The following CSMD1 variants were observed in gnomAD, a reference collection of about 807,000 sequenced individuals.
CSMD1 encodes CUB and Sushi multiple domains 1.
A neutral mutation model predicts 417.5 loss-of-function variants in CSMD1; 213 were observed. The ratio of observed to expected loss-of-function variants is 0.51; its 90% CI spans 0.46 to 0.57. CSMD1 has a LOEUF of 0.57. Among genes scored for constraint, CSMD1 ranks in the 20% least tolerant of loss-of-function variants. CSMD1 has a pLI of 0.00. For missense variants in CSMD1, 6,923 were observed against 4,529.7 expected, an observed-to-expected ratio of 1.53 and a Z score of -15.17; for synonymous variants, 2,862 against 1,736.8, an observed-to-expected ratio of 1.65 and a Z score of -16.11.
chr8:3,749,171 CTTAT>C (rs1274887133), intron 6 of CSMD1, among the ~76,000 whole-genome samples: 15 of 152,006 alleles, frequency 9.9e-5, no homozygotes. Flanking sequence ...TTACAAGGCA[CTTAT>C]TTAATTATAA....
intron 8 of CSMD1, among the ~76,000 whole-genome samples, chr8:3,607,823 T>C (rs561634399): frequency 1.1e-4 from 16 of 152,226 alleles, no homozygotes; most frequent in African/African-American, 3.8e-4. Flanking sequence ...TCAGCATGGC[T>C]GGTGTTGGTG....
chr8:3,340,075 C>G (rs1183634738), intron 23 of CSMD1, among the ~76,000 whole-genome samples: 1 of 152,184 alleles, frequency 6.6e-6, no homozygotes, highest in Non-Finnish European at 1.5e-5. Context: ...CTGCATGTAT[C>G]AATATCGGTC....
chr8:4,653,684 C>G (rs989521288), intron 1 of CSMD1, among the ~76,000 whole-genome samples: 1 of 151,932 alleles, frequency 6.6e-6, no homozygotes, highest in Non-Finnish European at 1.5e-5. Context: ...TTGCCCCAGG[C>G]TGAAAATAAG....
At chr8:3,191,907 A>G (rs1247905351) in intron 33 of CSMD1, among the ~76,000 whole-genome samples, 2 of 152,202 alleles carry the variant, frequency 1.3e-5, no homozygotes, top group Admixed American at 6.5e-5. Context: ...CTAAATGCAC[A>G]GTCCTTTAGC....
chr8:4,345,968 C>G (rs1028844355), intron 3 of CSMD1, among the ~76,000 whole-genome samples: 2 of 152,116 alleles, frequency 1.3e-5, no homozygotes, highest in East Asian at 1.9e-4. Context: ...TTCATACTGA[C>G]TAGATATCAT....
At chr8:3,942,675 G>A (rs562010988) in intron 5 of CSMD1, among the ~76,000 whole-genome samples, 3 of 152,054 alleles carry the variant, frequency 2.0e-5, no homozygotes, top group Admixed American at 6.6e-5. Context: ...TGATTTATAG[G>A]TCCTTTTCCC....
At chr8:3,474,870 C>T (rs1056692743) in intron 11 of CSMD1, among the ~76,000 whole-genome samples, 1 of 152,030 alleles carries the variant, frequency 6.6e-6, no homozygotes, top group Admixed American at 6.6e-5. Context: ...ATAATGTTAT[C>T]CTAATGAAAC....
intron 2 of CSMD1, among the ~76,000 whole-genome samples, chr8:4,424,491 C>T (rs111375359): frequency 5.9e-5 from 9 of 151,836 alleles, no homozygotes; most frequent in African/African-American, 9.7e-5. Flanking sequence ...CAGAGAAATA[C>T]CGCACATGAT....
intron 26 of CSMD1, among the ~76,000 whole-genome samples, chr8:3,269,373 C>T (rs569925853): frequency 1.6e-4 from 25 of 152,232 alleles, no homozygotes; most frequent in Non-Finnish European, 3.4e-4. Context: ...GGCAGAGAAA[C>T]TTGGACCATC....
chr8:4,894,716 G>GTGTT (rs1804364662), intron 1 of CSMD1, among the ~76,000 whole-genome samples: 1 of 151,800 alleles, frequency 6.6e-6, no homozygotes, highest in African/African-American at 2.4e-5. Flanking sequence ...GTGTGTGTGT[G>GTGTT]TGTGTGTCTG....
At chr8:3,027,113 AT>A (rs1306555784) in intron 51 of CSMD1, among the ~76,000 whole-genome samples, 7 of 152,158 alleles carry the variant, frequency 4.6e-5, no homozygotes, top group South Asian at 2.1e-4. Context: ...AATTTAAAAA[AT>A]TTTTTTAAAT....
At chr8:3,324,629 AAATAG>A (rs755619032) in intron 23 of CSMD1, among the ~76,000 whole-genome samples, 3 of 151,606 alleles carry the variant, frequency 2.0e-5, no homozygotes, top group Non-Finnish European at 4.4e-5. Flanking sequence ...ATCATTGTTA[AAATAG>A]GCCCACACCC....
chr8:4,182,607 T>C (rs3849836), intron 3 of CSMD1, among the ~76,000 whole-genome samples: 10,010 of 152,228 alleles, frequency 0.066, 443 homozygotes, highest in East Asian at 0.12. Flanking sequence ...GAGGGAATTT[T>C]ATGGACAACA....
intron 3 of CSMD1, among the ~76,000 whole-genome samples, chr8:4,311,582 G>T (rs562709736): frequency 6.6e-6 from 1 of 151,986 alleles, no homozygotes; most frequent in Non-Finnish European, 1.5e-5. Context: ...ACTGAGCCAG[G>T]TGTGGTTGTG....
intron 2 of CSMD1, among the ~76,000 whole-genome samples, chr8:4,634,152 T>G (rs1181360258): frequency 6.6e-6 from 1 of 152,070 alleles, no homozygotes; most frequent in Non-Finnish European, 1.5e-5. Flanking sequence ...TTTAGTTTAT[T>G]GATGGGTGCC....
chr8:3,864,447 G>T (rs191242490), intron 5 of CSMD1, among the ~76,000 whole-genome samples: 4 of 152,292 alleles, frequency 2.6e-5, no homozygotes, highest in Admixed American at 2.6e-4. Flanking sequence ...TATGAGAAGG[G>T]GTTAAGGAAA....
intron 3 of CSMD1, among the ~76,000 whole-genome samples, chr8:4,250,963 T>C (rs1803028748): frequency 6.6e-6 from 1 of 152,198 alleles, no homozygotes; most frequent in African/African-American, 2.4e-5. Flanking sequence ...CCCTGAATGT[T>C]ACTAGGTGAA....
intron 1 of CSMD1, among the ~76,000 whole-genome samples, chr8:4,830,558 C>T (rs1233882290): frequency 1.3e-5 from 2 of 152,170 alleles, no homozygotes; most frequent in African/African-American, 2.4e-5. Flanking sequence ...CAAGAGGAGA[C>T]ATCATAAGCC....
chr8:4,296,392 T>C (rs1349164205), intron 3 of CSMD1, among the ~76,000 whole-genome samples: 1 of 152,156 alleles, frequency 6.6e-6, no homozygotes, highest in Non-Finnish European at 1.5e-5. Context: ...CTAAACATAA[T>C]AATGATTTAA....
Sources: allele counts gnomAD v4.1 joint callset (sites outside exome capture counted in the v4.1 genomes callset), GRCh38; gene constraint gnomAD v4.1.1; transcripts MANE v1.5; gene names NCBI Gene and HGNC (gene_info 2026-07-23, HGNC 2026-07-21).